CA12: variants seen among roughly 807,000 people sequenced by gnomAD.
The protein encoded by CA12 is carbonate dehydratase XII.
A neutral mutation model predicts 46.8 loss-of-function variants in CA12; 36 were observed. The ratio of observed to expected loss-of-function variants is 0.77; its 90% CI spans 0.59 to 1.02. The LOEUF (loss-of-function observed/expected upper bound fraction) is 1.02, where lower values mean the gene tolerates loss of function less well. Ranked by LOEUF, CA12 falls within the 50% of genes least tolerant of loss-of-function variation. The pLI is 0.00. For missense variants in CA12, 436 were observed against 451.4 expected (o/e 0.97, Z 0.31); for synonymous variants, 202 against 187.0 (o/e 1.08, Z -0.65).
In CA12 at chr15:63,381,689, A is replaced by T. The variant is rs768514347; in HGVS notation, c.32T>A (p.Val11Glu). The T allele has an allele frequency of 3.8e-5, 61 of 1,608,738 alleles. No individual in the cohort carries two copies. Among genetic ancestry groups the T allele is most frequent in the Admixed American group, 1.7e-4 (10 of 59,664 alleles). ...TTCCTTTAAGATCACCAGCAGGAGC[A>T]CGGCCGCCGCGTGCAGGCTGCGCCG... is the stretch of plus-strand genomic sequence containing the variant. MPRRSLHAAAVLLLVILKEQP... is the reference protein window; with the variant it reads MPRRSLHAAAELLLVILKEQP... The change falls in exon 1 of 11, where the codon GTG (valine) becomes GAG (glutamate). Residue 11 changes from valine to glutamate, a missense_variant. Transcript: ENST00000178638.
chr15:63,357,516 T>G (rs1215693698), intron 2 of CA12, among the ~76,000 whole-genome samples: 1 of 152,222 alleles, frequency 6.6e-6, no homozygotes, highest in Non-Finnish European at 1.5e-5. Flanking sequence ...TTTAAAAAAC[T>G]GCTCACATGA....
In CA12 at chr15:63,331,689, T is replaced by C. The variant is rs1298247174; in HGVS notation, c.875-3559A>G. On this transcript the variant is annotated intron_variant, in intron 8 of 10. Coordinates refer to ENST00000178638, the MANE Select transcript of CA12 (RefSeq NM_001218.5). The surrounding 1 kb of genome is among the most constrained non-coding windows in gnomAD (Gnocchi z 5.3). ...ACACAGATATAGAAGAACTCGATGG[T>C]CACACACCTTGCCCAGGAAGGTACA... 6.6e-6 allele frequency: 1 copy of C among 152,194 alleles called. No homozygotes were observed. The highest frequency in any genetic ancestry group is 1.5e-5 in the Non-Finnish European group (1 of 68,068). The allele number at this position is 152,194 out of a possible 1,614,324, so 9.4% of individuals were successfully genotyped here.
intron 2 of CA12, among the ~76,000 whole-genome samples, chr15:63,360,188 G>A (rs1366912159): frequency 6.6e-6 from 1 of 152,158 alleles, no homozygotes; most frequent in African/African-American, 2.4e-5. Flanking sequence ...GTTTGCACCT[G>A]TTTCCCCAGC....
chr15:63,327,388 G>A lies in CA12; in HGVS notation c.908-155C>T, dbSNP rs980511794. Among the ~76,000 whole-genome samples, 12 of 152,166 alleles carry A rather than the reference G, an allele frequency of 7.9e-5. No homozygotes were observed. The highest frequency in any genetic ancestry group is 1.6e-4 in the Non-Finnish European group (11 of 68,020). Reference sequence around the variant, plus strand: ...TTCTCAGATTCTGGTCTTTGGCTTAGTGGGACTGGCTGGAGTATTTTGAGG... The same window carrying A: ...TTCTCAGATTCTGGTCTTTGGCTTAATGGGACTGGCTGGAGTATTTTGAGG... On this transcript the variant is annotated intron_variant, in intron 9 of 10. Transcript: ENST00000178638. This position sits in a 1 kb window ranked among gnomAD's most constrained non-coding sequence, Gnocchi z 4.5.
chr15:63,333,790 C>T (rs887066440), intron 8 of CA12, among the ~76,000 whole-genome samples: 1 of 152,174 alleles, frequency 6.6e-6, no homozygotes, highest in African/African-American at 2.4e-5. Flanking sequence ...CGGTTTGCTG[C>T]CTGGCACCCT....
intron 2 of CA12, among the ~76,000 whole-genome samples, chr15:63,362,197 T>C (rs2039372172): frequency 6.6e-6 from 1 of 152,232 alleles, no homozygotes; most frequent in South Asian, 2.1e-4. Flanking sequence ...TGGGCTGGAC[T>C]TGACCCATGG....
rs931728055 is a variant in CA12, at chr15:63,345,423, G to A, written c.429+54C>T. ...TCTGCACAGCAGCCAGGTCGAGAAG[G>A]TGCCACACCACCCACTGCAGAGCAG... is the stretch of plus-strand genomic sequence containing the variant. On this transcript the variant is annotated intron_variant, in intron 4 of 10. Transcript: ENST00000178638. This position sits in a 1 kb window ranked among gnomAD's most constrained non-coding sequence, Gnocchi z 4.3. The A allele has an allele frequency of 3.1e-6, 5 of 1,597,298 alleles. No individual in the cohort carries two copies. The highest frequency in any genetic ancestry group is 4.2e-6 in the Non-Finnish European group (5 of 1,177,656).
At position 63,374,414 on chromosome 15, in the gene CA12, A is replaced by G. The variant is rs988805887; in HGVS notation, c.106+1244T>C. Among the ~76,000 whole-genome samples, 3 of 152,052 alleles carry G rather than the reference A, an allele frequency of 2.0e-5. No individual in the cohort carries two copies. Among genetic ancestry groups the G allele is most frequent in the Admixed American group, 6.6e-5 (1 of 15,264 alleles). On this transcript the variant is annotated intron_variant, in intron 2 of 10. Transcript: ENST00000178638. This position sits in a 1 kb window ranked among gnomAD's most constrained non-coding sequence, Gnocchi z 4.4. ...CTAGCACACTCGCCCTCCTTTGAGC[A>G]CTCAGATCTCTGAAGCATTTGTTTA...
At chr15:63,354,284 T>C (rs1166729435) in intron 2 of CA12, among the ~76,000 whole-genome samples, 1 of 152,250 alleles carries the variant, frequency 6.6e-6, no homozygotes, top group African/African-American at 2.4e-5. Flanking sequence ...TTACTTGTTA[T>C]GAATAAAGCT....
At chr15:63,326,998 C>A in intron 10 of CA12, 151 bp downstream of exon 10, 1 of 690,322 alleles carries the variant, frequency 1.4e-6, no homozygotes, top group South Asian at 1.5e-5. Flanking sequence ...CAAAGGAGGC[C>A]AGGGCACGGG....
chr15:63,334,242 C>CTTTT lies in CA12; in HGVS notation c.874+4573_874+4576dup, dbSNP rs71131163. Among the ~76,000 whole-genome samples the CTTTT allele has an allele frequency of 9.6e-3, 623 of 64,962 alleles. 95 individuals carry two copies. The highest frequency in any genetic ancestry group is 0.064 in the East Asian group (96 of 1,492). 42.6% of individuals were successfully genotyped at this position (64,962 alleles called of 152,430 possible). A position where few individuals can be genotyped will look rare whatever the true frequency, so the allele number is the denominator to read the frequency against. The stretch of plus-strand genomic sequence containing the variant: ...TTCCAACTGCCACTTGGAAGAGGCA[C>CTTTT]TTTTTTTTTTTTTTTTTTTTTTTTT... On this transcript the variant is annotated intron_variant, in intron 8 of 10. Coordinates refer to ENST00000178638, the MANE Select transcript of CA12 (RefSeq NM_001218.5).
In CA12 at chr15:63,355,191, T is replaced by C. The variant is rs560862638; in HGVS notation, c.107-8482A>G. 3.3e-5 allele frequency among the ~76,000 whole-genome samples: 5 copies of C among 152,288 alleles called. No individual in the cohort carries two copies. The East Asian group carries it at 9.6e-4, about 29-fold the overall frequency. On this transcript the variant is annotated intron_variant, in intron 2 of 10. Transcript: ENST00000178638. This position sits in a 1 kb window ranked among gnomAD's most constrained non-coding sequence, Gnocchi z 4.1. ...CCCCTCCTTTTCGTTCCAGCAGCGC[T>C]GAGCTGCTTGCATCCTGCAGACACA...
At chr15:63,332,525 C>T (rs531267247) in intron 8 of CA12, among the ~76,000 whole-genome samples, 51 of 152,324 alleles carry the variant, frequency 3.3e-4, no homozygotes, top group Middle Eastern at 6.8e-3. Context: ...GCACTCTAAG[C>T]TGTCTTCACT....
intron 2 of CA12, among the ~76,000 whole-genome samples, chr15:63,365,901 G>A (rs1429272040): frequency 6.6e-6 from 1 of 152,148 alleles, no homozygotes; most frequent in Non-Finnish European, 1.5e-5. Flanking sequence ...CACTTTGGGA[G>A]GGCAAGGCGG....
chr15:63,340,426 C>G lies in CA12; in HGVS notation c.609G>C (p.Pro203=). The part of the protein sequence containing the change: ...VKYKGQEAFV[P]GFNIEELLPE... ...GAAGCAGCTCTTCAATGTTGAATCCCGGGACGAATGCTTCCTGGCCTAGAG... is the reference window on the plus strand; with the variant it reads ...GAAGCAGCTCTTCAATGTTGAATCCGGGGACGAATGCTTCCTGGCCTAGAG... The change falls in exon 7 of 11, where the codon CCG becomes CCC. Residue 203 remains proline (P), a synonymous_variant. Coordinates refer to ENST00000178638, the MANE Select transcript of CA12 (RefSeq NM_001218.5). This position sits in a 1 kb window ranked among gnomAD's most constrained non-coding sequence, Gnocchi z 4.4. 2 of 1,614,102 alleles carry G rather than the reference C, an allele frequency of 1.2e-6. No homozygotes were observed. Among genetic ancestry groups the G allele is most frequent in the Non-Finnish European group, 1.7e-6 (2 of 1,180,010 alleles).
rs116164710 is a variant in CA12 at position 63,377,080 on chromosome 15, A to G, written c.86-1402T>C. Among the ~76,000 whole-genome samples, 1,087 of 152,308 alleles carry G rather than the reference A, an allele frequency of 7.1e-3. 15 individuals carry two copies. The highest frequency in any genetic ancestry group is 0.024 in the African/African-American group (1,011 of 41,564). ...ACTTCGCACTCCACACTCTTCATGC[A>G]TAAATGTTCTTCGTTCCTATGTCAA... On this transcript the variant is annotated intron_variant, in intron 1 of 10. Coordinates refer to ENST00000178638, the MANE Select transcript of CA12 (RefSeq NM_001218.5).
At chr15:63,379,399 C>T (rs937776171) in intron 1 of CA12, among the ~76,000 whole-genome samples, 87 of 152,066 alleles carry the variant, frequency 5.7e-4, no homozygotes, top group Non-Finnish European at 3.2e-4. Context: ...TGCACGCGCA[C>T]GAAAGTGTGC....
chr15:63,332,944 C>T (rs143644011), intron 8 of CA12, among the ~76,000 whole-genome samples: 1,711 of 152,246 alleles, frequency 0.011, 30 homozygotes, highest in African/African-American at 0.036. Flanking sequence ...ATAATATGTA[C>T]GTATTGTTCT....
chr15:63,337,026 C>A (rs934268779), intron 8 of CA12, among the ~76,000 whole-genome samples: 2 of 152,174 alleles, frequency 1.3e-5, no homozygotes, highest in African/African-American at 4.8e-5. Flanking sequence ...GAAAAGACAG[C>A]GTTGTATCCA....
Sources: gnomAD v4.1 joint callset for allele counts (sites outside exome capture counted in the v4.1 genomes callset) on GRCh38, gnomAD v4.1.1 for gene constraint, Gnocchi (gnomAD v3.1) non-coding constraint, MANE v1.5 for transcripts, NCBI Gene and HGNC (gene_info 2026-07-23, HGNC 2026-07-21) for gene names.